DCC: variants seen among roughly 807,000 people sequenced by gnomAD.
DCC encodes the protein netrin receptor DCC.
In DCC, 58 loss-of-function variants were observed where a neutral mutation model predicts 172.5. The ratio of observed to expected loss-of-function variants is 0.34; its 90% CI spans 0.27 to 0.42. The LOEUF (loss-of-function observed/expected upper bound fraction) is 0.42. Among genes scored for constraint, DCC ranks in the 10% least tolerant of loss-of-function variants. The pLI, the probability that DCC is intolerant of heterozygous loss-of-function variation, is 1.00. For synonymous variants in DCC, 709 were observed against 644.5 expected, an observed-to-expected ratio of 1.10 and a Z score of -1.52; for missense variants, 1,740 against 1,791.0, an observed-to-expected ratio of 0.97 and a Z score of 0.51.
At chr18:52,391,151 T>C (rs184431709) in intron 1 of DCC, among the ~76,000 whole-genome samples, 1 of 152,204 alleles carries the variant, frequency 6.6e-6, no homozygotes, top group Admixed American at 6.5e-5. Context: ...AGAAACTTGG[T>C]GTATAAACAG....
At chr18:52,970,154 A>G (rs2041007379) in intron 5 of DCC, among the ~76,000 whole-genome samples, 1 of 152,136 alleles carries the variant, frequency 6.6e-6, no homozygotes, top group South Asian at 2.1e-4. Flanking sequence ...ACCTACTTAA[A>G]TACACTGAAT....
chr18:53,141,686 C>A (rs1249740924), intron 7 of DCC, among the ~76,000 whole-genome samples: 1 of 152,172 alleles, frequency 6.6e-6, no homozygotes, highest in African/African-American at 2.4e-5. Context: ...GGTATATACT[C>A]TTCAGTAATT....
intron 12 of DCC, among the ~76,000 whole-genome samples, chr18:53,303,882 G>T (rs1350119670): frequency 6.6e-6 from 1 of 152,126 alleles, no homozygotes; most frequent in Non-Finnish European, 1.5e-5. Flanking sequence ...CAAATTGAAG[G>T]ATGGTAAATG....
At chr18:52,817,269 A>G (rs1287160417) in intron 2 of DCC, among the ~76,000 whole-genome samples, 1 of 152,100 alleles carries the variant, frequency 6.6e-6, no homozygotes, top group Non-Finnish European at 1.5e-5. Context: ...TTTGTTTTCT[A>G]TGAATATTTT....
intron 11 of DCC, among the ~76,000 whole-genome samples, chr18:53,212,310 A>G (rs1598911140): frequency 6.6e-6 from 1 of 152,206 alleles, no homozygotes; most frequent in Non-Finnish European, 1.5e-5. Flanking sequence ...TTTGAAGAGA[A>G]AAGTGTTCTT....
chr18:52,446,590 G>A (rs1379675671), intron 1 of DCC, among the ~76,000 whole-genome samples: 1 of 152,186 alleles, frequency 6.6e-6, no homozygotes, highest in Non-Finnish European at 1.5e-5. Flanking sequence ...GCTTCATCAT[G>A]TGAGTGTGAC....
In DCC at chr18:53,371,665, C is replaced by T. The variant is rs896416053; in HGVS notation, c.2360-14378C>T. Among the ~76,000 whole-genome samples, 4 of 151,688 alleles carry T rather than the reference C, an allele frequency of 2.6e-5. No individual in the cohort carries two copies. The East Asian group carries it at 7.7e-4, about 29-fold the overall frequency. On this transcript the variant is annotated intron_variant, in intron 15 of 28. Coordinates refer to ENST00000442544, the MANE Select transcript of DCC (RefSeq NM_005215.4). ...TTGTTATGAGAAGTGTCAGCCAGTA[C>T]AGATCATAATAATAAAACAAATACC...
At chr18:53,402,152 C>G (rs1909334750) in intron 18 of DCC, among the ~76,000 whole-genome samples, 2 of 151,996 alleles carry the variant, frequency 1.3e-5, no homozygotes, top group Non-Finnish European at 2.9e-5. Flanking sequence ...TTTATAAATG[C>G]CTGCAGTTGT....
At chr18:53,121,842 C>T (rs1202341900) in intron 7 of DCC, among the ~76,000 whole-genome samples, 1 of 151,810 alleles carries the variant, frequency 6.6e-6, no homozygotes, top group African/African-American at 2.4e-5. Flanking sequence ...ACCTACTGCT[C>T]ACAGTTCTAT....
At chr18:53,471,762 C>G (rs2045699477) in intron 25 of DCC, among the ~76,000 whole-genome samples, 1 of 152,184 alleles carries the variant, frequency 6.6e-6, no homozygotes, top group Admixed American at 6.5e-5. Flanking sequence ...TTTCAGGTCT[C>G]TATTCAACTA....
intron 2 of DCC, among the ~76,000 whole-genome samples, chr18:52,893,801 A>G (rs925789072): frequency 2.6e-5 from 4 of 152,274 alleles, no homozygotes; most frequent in African/African-American, 9.6e-5. Flanking sequence ...ATTGAGTGCT[A>G]CTGTGTACCT....
intron 1 of DCC, among the ~76,000 whole-genome samples, chr18:52,368,363 G>A (rs1263897575): frequency 1.3e-5 from 2 of 152,072 alleles, no homozygotes; most frequent in Admixed American, 1.3e-4. Flanking sequence ...GGCTATTTGG[G>A]ATAAATGAAT....
chr18:52,433,426 T>C (rs1291654929), intron 1 of DCC, among the ~76,000 whole-genome samples: 1 of 152,202 alleles, frequency 6.6e-6, no homozygotes, highest in African/African-American at 2.4e-5. Flanking sequence ...AAGATCAGTA[T>C]ATTCTGGGAC....
intron 2 of DCC, among the ~76,000 whole-genome samples, chr18:52,882,468 T>C (rs899349683): frequency 6.6e-6 from 1 of 152,082 alleles, no homozygotes; most frequent in Non-Finnish European, 1.5e-5. Flanking sequence ...ATCTCACACG[T>C]TTTGGAATGT....
chr18:53,346,347 T>G (rs368606309), intron 15 of DCC, among the ~76,000 whole-genome samples: 6 of 152,178 alleles, frequency 3.9e-5, no homozygotes, highest in African/African-American at 1.4e-4. Context: ...CCAATTTTGG[T>G]CATTTTGTCT....
At position 53,268,164 on chromosome 18, in the gene DCC, G is replaced by T. The variant is rs957898145; in HGVS notation, c.1912-37414G>T. ...GCCAAAAACAAGATTAATATTAAGT[G>T]TTGTCTCTGGCTTTCTTTCAAAGGA... On this transcript the variant is annotated intron_variant, in intron 12 of 28. Coordinates refer to ENST00000442544, the MANE Select transcript of DCC (RefSeq NM_005215.4). Among the ~76,000 whole-genome samples, 19 of 151,988 alleles carry T rather than the reference G, an allele frequency of 1.3e-4. 1 individual carries two copies. The highest frequency in any genetic ancestry group is 9.2e-4 in the Admixed American group (14 of 15,250).
At chr18:52,831,172 G>A (rs1047533969) in intron 2 of DCC, among the ~76,000 whole-genome samples, 1 of 152,090 alleles carries the variant, frequency 6.6e-6, no homozygotes, top group East Asian at 1.9e-4. Context: ...AAACCTCCAA[G>A]GCATAAACAT....
chr18:52,465,066 T>C (rs542703051), intron 1 of DCC, among the ~76,000 whole-genome samples: 29 of 152,232 alleles, frequency 1.9e-4, no homozygotes, highest in African/African-American at 6.5e-4. Context: ...TCCTAGGACA[T>C]AGAGATGTTC....
At chr18:53,085,617 A>G (rs1485511466) in intron 7 of DCC, among the ~76,000 whole-genome samples, 2 of 152,176 alleles carry the variant, frequency 1.3e-5, no homozygotes, top group African/African-American at 2.4e-5. Context: ...AAGCCATTAA[A>G]ACATAGAACA....
Sources: gnomAD v4.1 joint callset for allele counts (sites outside exome capture counted in the v4.1 genomes callset) on GRCh38, gnomAD v4.1.1 for gene constraint, MANE v1.5 for transcripts, NCBI Gene and HGNC (gene_info 2026-07-23, HGNC 2026-07-21) for gene names.